FANCI: variants seen among roughly 807,000 people sequenced by gnomAD.
FANCI encodes the protein Fanconi anemia group I protein.
A neutral mutation model predicts 176.1 loss-of-function variants in FANCI; 156 were observed. The ratio of observed to expected loss-of-function variants is 0.89; its 90% CI spans 0.78 to 1.01. The LOEUF (loss-of-function observed/expected upper bound fraction) is 1.01. Ranked by LOEUF, FANCI falls within the 50% of genes least tolerant of loss-of-function variation. FANCI has a pLI of 0.00. For missense variants in FANCI, 1,678 were observed against 1,534.1 expected (o/e 1.09, Z -1.57); for synonymous variants, 613 against 541.7 (o/e 1.13, Z -1.83).
At chr15:89,290,992 C>T (rs895091592) in intron 19 of FANCI, among the ~76,000 whole-genome samples, 3 of 152,152 alleles carry the variant, frequency 2.0e-5, no homozygotes. Context: ...CTGTAATCAA[C>T]ACATCTACAT....
chr15:89,288,620 CTT>C (rs35459053), intron 18 of FANCI, among the ~76,000 whole-genome samples: 19 of 141,018 alleles, frequency 1.3e-4, no homozygotes, highest in Admixed American at 3.5e-4. Flanking sequence ...TCTTCTATTA[CTT>C]TTTTTTTTTT....
At chr15:89,270,525 T>C (rs2053161067) in intron 10 of FANCI, among the ~76,000 whole-genome samples, 1 of 152,168 alleles carries the variant, frequency 6.6e-6, no homozygotes, top group African/African-American at 2.4e-5. Context: ...TTTTTTTCTT[T>C]TTTTTGTCCT....
At chr15:89,314,754 A>G in intron 36 of FANCI, 47 bp downstream of exon 36, 1 of 1,410,974 alleles carries the variant, frequency 7.1e-7, no homozygotes, top group Non-Finnish European at 1.0e-6. Context: ...TACCTTCTTG[A>G]CAGATCTGGC....
intron 2 of FANCI, among the ~76,000 whole-genome samples, chr15:89,256,212 T>C (rs1481890255): frequency 1.3e-5 from 2 of 152,194 alleles, no homozygotes; most frequent in Non-Finnish European, 2.9e-5. Context: ...CATTGCAGAA[T>C]GTTTGATAGC....
intron 21 of FANCI, 33 bp from the exon 22 acceptor site, chr15:89,292,909 G>A (rs766265034): frequency 1.2e-5 from 20 of 1,613,970 alleles, no homozygotes; most frequent in Middle Eastern, 1.6e-4. Context: ...GAGTTCTTTA[G>A]TAGCTTGTTA....
rs577278451 is a variant in FANCI, at chr15:89,259,768, A to G, written c.158-945A>G. On this transcript the variant is annotated intron_variant, in intron 3 of 37. Coordinates refer to ENST00000310775, the MANE Select transcript of FANCI (RefSeq NM_001113378.2). ...TTCTATATATGGTCCTTTGTGACTG[A>G]CTTCTTTCGTTTATAATGTTACAAA... is the stretch of plus-strand genomic sequence containing the variant. 6.5e-4 allele frequency among the ~76,000 whole-genome samples: 99 copies of G among 152,300 alleles called. No homozygotes were observed. In the Middle Eastern group the frequency reaches 0.01, roughly 16 times the overall value.
At chr15:89,301,101 G>A (rs2054509915) in intron 26 of FANCI, among the ~76,000 whole-genome samples, 1 of 152,204 alleles carries the variant, frequency 6.6e-6, no homozygotes, top group Non-Finnish European at 1.5e-5. Context: ...GGGTTGGAAC[G>A]GAAAGAGTCA....
intron 7 of FANCI, 149 bp from the exon 8 acceptor site, chr15:89,263,754 A>C: frequency 3.1e-6 from 3 of 964,474 alleles, no homozygotes; most frequent in Non-Finnish European, 4.7e-6. Flanking sequence ...CAGTTATAAT[A>C]ATCTATTATC....
At chr15:89,283,287 A>G (rs943417236) in intron 17 of FANCI, 37 bp downstream of exon 17, 6 of 1,613,120 alleles carry the variant, frequency 3.7e-6, no homozygotes, top group Non-Finnish European at 5.1e-6. Flanking sequence ...GTGTGTGCGT[A>G]TCATTCATGT....
chr15:89,273,472 ATT>A lies in FANCI; in HGVS notation c.975+9_975+10del. The A allele has an allele frequency of 7.1e-7, 1 of 1,411,674 alleles. No homozygotes were observed. The highest frequency in any genetic ancestry group is 9.9e-7 in the Non-Finnish European group (1 of 1,009,326). 87.4% of individuals were successfully genotyped at this position (1,411,674 alleles called of 1,614,324 possible). ...GAATACAAAGATTTCAGGACCAGGT[ATT>A]TTTTTAAAATGCCATTTTGTTTCTT... On this transcript the variant is annotated splice_donor_5th_base_variant and intron_variant, in intron 11 of 37. Coordinates refer to ENST00000310775, the MANE Select transcript of FANCI (RefSeq NM_001113378.2).
chr15:89,247,446 A>C (rs923275508), intron 1 of FANCI, among the ~76,000 whole-genome samples, 183 bp from the exon 2 acceptor site: 4 of 152,210 alleles, frequency 2.6e-5, no homozygotes, highest in African/African-American at 9.6e-5. Flanking sequence ...TAGGTTAAGA[A>C]TCATCTTGCC....
chr15:89,295,901 G>C (rs2054249921), intron 24 of FANCI, among the ~76,000 whole-genome samples: 1 of 152,032 alleles, frequency 6.6e-6, no homozygotes, highest in South Asian at 2.1e-4. Context: ...AGCTTTCTGA[G>C]TAGCTGGGAC....
intron 9 of FANCI, among the ~76,000 whole-genome samples, chr15:89,267,372 C>T (rs1322641231): frequency 6.7e-6 from 1 of 150,136 alleles, no homozygotes; most frequent in East Asian, 1.9e-4. Flanking sequence ...GTGATGATGC[C>T]CTGGAAGCTA....
rs146916445 is a variant in FANCI, at chr15:89,274,185, G to A, written c.993G>A (p.Lys331=). 17 of 1,575,376 alleles carry A rather than the reference G, an allele frequency of 1.1e-5. No individual in the cohort carries two copies. The African/African-American group carries it at 2.3e-4, about 21-fold the overall frequency. Residue 331 remains lysine (K), a synonymous_variant, in exon 12 of 38, where the codon AAG becomes AAA. Transcript: ENST00000310775. ...RFQDQVLDLL[K]TSVVKSFKDL... ...TACTCAAGGTGCTTGATCTTTTAAA[G>A]ACTTCGGTTGTAAAGAGCTTTAAGG...
chr15:89,306,024 G>A lies in FANCI; in HGVS notation c.3367G>A (p.Ala1123Thr). ...ETLSEEASSQ[A>T]TLPNQPVEKA... ...CCCTTTAGAAGAGGCCTCTTCTCAG[G>A]CAACCCTACCAAATCAGCCTGTTGA... The change falls in exon 32 of 38, where the codon GCA becomes ACA. Residue 1123 changes from alanine to threonine, a missense_variant. Ala to Thr is a moderately conservative substitution (Grantham distance 58). This residue lies in a region of FANCI where 1,204 missense variants were observed against 1,077.4 expected (regional missense o/e 1.12). Transcript: ENST00000310775. The A allele has an allele frequency of 6.2e-7, 1 of 1,614,032 alleles. No individual in the cohort carries two copies. Among genetic ancestry groups the A allele is most frequent in the Non-Finnish European group, 8.5e-7 (1 of 1,180,014 alleles).
At chr15:89,308,207 A>G (rs2238301) in intron 34 of FANCI, 377,912 of 1,005,876 alleles carry the variant, frequency 0.38, 73,205 homozygotes, top group South Asian at 0.4. Context: ...GCGCTAGATA[A>G]TTCTTTGTTG....
chr15:89,310,297 A>G (rs1388979742), intron 34 of FANCI, among the ~76,000 whole-genome samples: 1 of 152,236 alleles, frequency 6.6e-6, no homozygotes, highest in Non-Finnish European at 1.5e-5. Flanking sequence ...AAAAACAGGC[A>G]GTGGGCCAGA....
intron 28 of FANCI, among the ~76,000 whole-genome samples, chr15:89,304,522 A>C (rs892491991): frequency 2.6e-5 from 4 of 152,232 alleles, no homozygotes; most frequent in African/African-American, 9.6e-5. Context: ...GTTAGGAGGG[A>C]GTCCCTAGAA....
At chr15:89,311,541 G>A (rs2054962389) in intron 34 of FANCI, among the ~76,000 whole-genome samples, 1 of 152,160 alleles carries the variant, frequency 6.6e-6, no homozygotes, top group Non-Finnish European at 1.5e-5. Flanking sequence ...CACAACCTCT[G>A]GGAAGATGGT....
Sources: gnomAD v4.1 joint callset for allele counts (sites outside exome capture counted in the v4.1 genomes callset) on GRCh38, gnomAD v4.1.1 for gene constraint, gnomAD v4.1.1 regional missense constraint, MANE v1.5 for transcripts, NCBI Gene and HGNC (gene_info 2026-07-23, HGNC 2026-07-21) for gene names.